The following ATP2B2 variants were observed in gnomAD, a reference collection of about 807,000 sequenced individuals.
The protein encoded by ATP2B2 is plasma membrane calcium-transporting ATPase 2.
In ATP2B2, 15 loss-of-function variants were observed where a neutral mutation model predicts 120.0. The observed-to-expected ratio is 0.12, with a 90% confidence interval of 0.08 to 0.19. The LOEUF (loss-of-function observed/expected upper bound fraction) is 0.19, where lower values mean the gene tolerates loss of function less well. ATP2B2 is among the 10% of genes least tolerant of loss of function. The pLI is 1.00. For synonymous variants in ATP2B2, 694 were observed against 700.3 expected (o/e 0.99, Z 0.14); for missense variants, 1,045 against 1,719.8 (o/e 0.61, Z 6.94).
intron 1 of ATP2B2, among the ~76,000 whole-genome samples, chr3:10,690,256 C>T (rs1314310044): frequency 6.6e-6 from 1 of 152,198 alleles, no homozygotes; most frequent in African/African-American, 2.4e-5. Flanking sequence ...CAGTAAGAGA[C>T]ACAACATCCA....
At chr3:10,683,758 G>GTGTGTGTGTATGTATATA (rs1334250607) in intron 1 of ATP2B2, among the ~76,000 whole-genome samples, 1 of 33,636 alleles carries the variant, frequency 3.0e-5, no homozygotes, top group African/African-American at 1.2e-4. Context: ...ATGTGTGTGT[G>GTGTGTGTGTATGTATATA]TGTATATATA....
At chr3:10,602,875 C>T (rs1022239757) in intron 2 of ATP2B2, among the ~76,000 whole-genome samples, 1 of 152,350 alleles carries the variant, frequency 6.6e-6, no homozygotes, top group South Asian at 2.1e-4. Context: ...CCTGGTACCA[C>T]ACCTCAGAGC....
At chr3:10,501,382 T>TG (rs1203349041) in intron 1 of ATP2B2, among the ~76,000 whole-genome samples, 2 of 151,088 alleles carry the variant, frequency 1.3e-5, no homozygotes, top group African/African-American at 2.4e-5. Flanking sequence ...GGTTTTTTTT[T>TG]TTTTTTGAGA....
Position 10,328,512 on chromosome 3 carries a change from G to A in ATP2B2, c.*302C>T. Reference sequence around the variant, plus strand: ...CATGCGGGGGACGTGGTGGCTGGGCGGGTGCATGGCTGGTCCATGTCTGGG... The same window carrying A: ...CATGCGGGGGACGTGGTGGCTGGGCAGGTGCATGGCTGGTCCATGTCTGGG... On this transcript the variant is annotated 3_prime_UTR_variant, in exon 23 of 23. Coordinates refer to ENST00000360273, the MANE Select transcript of ATP2B2 (RefSeq NM_001001331.4). The A allele has an allele frequency of 2.5e-6, 1 of 399,726 alleles. No homozygotes were observed. 24.8% of individuals were successfully genotyped at this position (399,726 alleles called of 1,614,324 possible).
chr3:10,626,561 G>C (rs2069704851), intron 1 of ATP2B2: 1 of 135,826 alleles, frequency 7.4e-6, no homozygotes, highest in South Asian at 2.6e-4. Flanking sequence ...GGAGAGAGAA[G>C]GGGATGGATG....
At chr3:10,376,325 C>CTAGGTAGGGG (rs199765692) in intron 10 of ATP2B2, among the ~76,000 whole-genome samples, 1,549 of 152,242 alleles carry the variant, frequency 0.01, 30 homozygotes, top group African/African-American at 0.036. Context: ...GTTACTTTAG[C>CTAGGTAGGGG]TAGGGTGGCC....
chr3:10,536,240 T>G (rs1380152342), intron 2 of ATP2B2, among the ~76,000 whole-genome samples: 1 of 152,208 alleles, frequency 6.6e-6, no homozygotes, highest in Non-Finnish European at 1.5e-5. Flanking sequence ...GAGACTTTTT[T>G]GTATATGTTA....
intron 2 of ATP2B2, among the ~76,000 whole-genome samples, chr3:10,563,190 A>T (rs2067940269): frequency 6.6e-6 from 1 of 152,208 alleles, no homozygotes; most frequent in Non-Finnish European, 1.5e-5. Context: ...ATTTCACCTG[A>T]TTCTCACATT....
At chr3:10,336,396 G>T in intron 22 of ATP2B2, 1 of 1,212,692 alleles carries the variant, frequency 8.2e-7, no homozygotes, top group Non-Finnish European at 1.2e-6. Flanking sequence ...CCGCAGCCAC[G>T]GCAACAACGA....
chr3:10,538,829 T>G (rs1037948826), intron 2 of ATP2B2, among the ~76,000 whole-genome samples: 1 of 152,058 alleles, frequency 6.6e-6, no homozygotes, highest in Non-Finnish European at 1.5e-5. Flanking sequence ...ACAGGGATGC[T>G]CTCTCTCACC....
Position 10,342,688 on chromosome 3 carries a change from G to C in ATP2B2, c.2917+64C>G, listed in dbSNP as rs1475665362. 1.4e-5 allele frequency: 22 copies of C among 1,558,286 alleles called. No homozygotes were observed. The Admixed American group carries it at 3.5e-4, about 25-fold the overall frequency. On this transcript the variant is annotated intron_variant, in intron 19 of 22. Coordinates refer to ENST00000360273, the MANE Select transcript of ATP2B2 (RefSeq NM_001001331.4). The surrounding 1 kb of genome is among the most constrained non-coding windows in gnomAD (Gnocchi z 4.4). ...TGTGACTCGAGAATGCTGGGTGAGA[G>C]CCATGGTGCACCCAGAAGGTGATGA... is the stretch of plus-strand genomic sequence containing the variant.
At chr3:10,574,467 T>C (rs912189498) in intron 2 of ATP2B2, among the ~76,000 whole-genome samples, 3 of 152,344 alleles carry the variant, frequency 2.0e-5, no homozygotes, top group Non-Finnish European at 4.4e-5. Context: ...TCTCAGAGCA[T>C]ACTAGGCAAG....
chr3:10,477,868 T>C (rs1185874035), intron 1 of ATP2B2, among the ~76,000 whole-genome samples: 1 of 152,244 alleles, frequency 6.6e-6, no homozygotes, highest in African/African-American at 2.4e-5. Flanking sequence ...AACAAATATC[T>C]GAGTCCTTGC....
In ATP2B2 at chr3:10,342,745, C is replaced by T. The variant is rs199976781; in HGVS notation, c.2917+7G>A. ...CTGGGAGAGGCGTGGGTGGGCGAGG[C>T]GCTCACCAACAAAGAGCAGGGTGAA... On this transcript the variant is annotated splice_region_variant and intron_variant, in intron 19 of 22. Transcript: ENST00000360273. The surrounding 1 kb of genome is among the most constrained non-coding windows in gnomAD (Gnocchi z 4.4). 4.2e-5 allele frequency: 67 copies of T among 1,613,860 alleles called. No individual in the cohort carries two copies. Among genetic ancestry groups the T allele is most frequent in the East Asian group, 4.0e-4 (18 of 44,880 alleles).
At chr3:10,641,255 C>T (rs1321194204) in intron 1 of ATP2B2, among the ~76,000 whole-genome samples, 2 of 152,184 alleles carry the variant, frequency 1.3e-5, no homozygotes, top group African/African-American at 2.4e-5. Flanking sequence ...ACTAATCCCA[C>T]CTGGAACCAG....
intron 3 of ATP2B2, among the ~76,000 whole-genome samples, chr3:10,514,234 G>A (rs1311404690): frequency 2.0e-5 from 3 of 152,260 alleles, no homozygotes; most frequent in East Asian, 3.9e-4. Context: ...GATAGGTCTG[G>A]GGAACACTTG....
intron 2 of ATP2B2, among the ~76,000 whole-genome samples, chr3:10,434,092 G>C (rs1357661702): frequency 6.6e-6 from 1 of 152,232 alleles, no homozygotes; most frequent in African/African-American, 2.4e-5. Flanking sequence ...TCAGCTAGGG[G>C]GTGGGGCATA....
At chr3:10,536,584 T>G (rs1447688649) in intron 2 of ATP2B2, among the ~76,000 whole-genome samples, 4 of 152,050 alleles carry the variant, frequency 2.6e-5, no homozygotes, top group African/African-American at 7.2e-5. Context: ...TGGAGTGCAG[T>G]GGCATGATCA....
intron 8 of ATP2B2, among the ~76,000 whole-genome samples, chr3:10,381,215 T>C (rs1355628032): frequency 6.6e-6 from 1 of 152,258 alleles, no homozygotes; most frequent in Non-Finnish European, 1.5e-5. Context: ...TCCTGGGCTT[T>C]AAAGTGAAAG....
Sources: gnomAD v4.1 joint callset for allele counts (sites outside exome capture counted in the v4.1 genomes callset) on GRCh38, gnomAD v4.1.1 for gene constraint, Gnocchi (gnomAD v3.1) non-coding constraint, MANE v1.5 for transcripts, NCBI Gene and HGNC (gene_info 2026-07-23, HGNC 2026-07-21) for gene names.